Variants in LRRC71 observed in about 807,000 individuals in gnomAD.
The protein encoded by LRRC71 is leucine rich repeat containing 71, also known as leucine-rich repeat-containing protein 71.
Under a neutral mutation model 66.6 loss-of-function variants are expected in LRRC71, and 54 were observed. That is an observed-to-expected ratio of 0.81 (90% CI 0.65 to 1.02). The LOEUF (loss-of-function observed/expected upper bound fraction) is 1.02. LRRC71 is among the 50% of genes least tolerant of loss of function. The probability of loss-of-function intolerance (pLI) is 0.00; values close to 1 mark genes in which losing one functional copy is unlikely to be tolerated. For missense variants in LRRC71, 724 were observed against 718.0 expected (o/e 1.01, Z -0.10); for synonymous variants, 323 against 303.9 (o/e 1.06, Z -0.65).
intron 9 of LRRC71, among the ~76,000 whole-genome samples, chr1:156,928,555 T>C: frequency 7.1e-6 from 1 of 140,886 alleles, no homozygotes; most frequent in African/African-American, 2.7e-5. Flanking sequence ...TCTTCTTTCT[T>C]CTTCTTACTT....
chr1:156,934,237 G>A (rs1014643953), downstream of LRRC71, among the ~76,000 whole-genome samples: 1 of 152,174 alleles, frequency 6.6e-6, no homozygotes, highest in Non-Finnish European at 1.5e-5. Flanking sequence ...CCCTAATGAG[G>A]ACACAGCTGA....
chr1:156,920,971 G>A lies in LRRC71; in HGVS notation c.160+8G>A. ...AGGAGCCCAAAAGCCCTGGTACGCT[G>A]GCGCCGGGGTTTGGGGATCGGGCTT... On this transcript the variant is annotated splice_region_variant and intron_variant, in intron 1 of 14. Transcript: ENST00000337428. The surrounding 1 kb of genome is among the most constrained non-coding windows in gnomAD (Gnocchi z 4.9). 1 of 1,495,292 alleles carries A rather than the reference G, an allele frequency of 6.7e-7. No homozygotes were observed. Among genetic ancestry groups the A allele is most frequent in the African/African-American group, 1.4e-5 (1 of 70,398 alleles). The allele number at this position is 1,495,292 out of a possible 1,614,324, so 92.6% of individuals were successfully genotyped here.
downstream of LRRC71, chr1:156,937,558 G>C: frequency 6.8e-7 from 1 of 1,480,798 alleles, no homozygotes; most frequent in Non-Finnish European, 9.0e-7. Flanking sequence ...CTATCCTCCC[G>C]TTCCTGTGGG....
chr1:156,927,097 C>T, intron 5 of LRRC71, 105 bp from the exon 6 acceptor site: 1 of 961,486 alleles, frequency 1.0e-6, no homozygotes, highest in Non-Finnish European at 1.6e-6. Context: ...AATCCTTTGA[C>T]TCTACTTCCT....
chr1:156,941,047 C>G, the LRRC71 span, among the ~76,000 whole-genome samples: 1 of 152,190 alleles, frequency 6.6e-6, no homozygotes, highest in African/African-American at 2.4e-5. Flanking sequence ...TATCTCCCTC[C>G]CCAACAGTAA....
chr1:156,938,361 C>A, the LRRC71 span: 1 of 1,544,068 alleles, frequency 6.5e-7, no homozygotes, highest in South Asian at 1.2e-5. Context: ...ACTCTGCCCT[C>A]ACAGGTTCCA....
chr1:156,923,719 A>T (rs926929469), intron 1 of LRRC71, among the ~76,000 whole-genome samples: 9 of 152,180 alleles, frequency 5.9e-5, no homozygotes, highest in Non-Finnish European at 1.3e-4. Context: ...CACACAGAAG[A>T]GGGGACCCCG....
chr1:156,935,549 C>A, downstream of LRRC71: 1 of 160,126 alleles, frequency 6.2e-6, no homozygotes, highest in Non-Finnish European at 1.4e-5. Flanking sequence ...TTATAGGAAA[C>A]CAAAGTGACA....
At chr1:156,935,742 C>A, downstream of LRRC71, 1 of 486,238 alleles carries the variant, frequency 2.1e-6, no homozygotes, top group South Asian at 3.2e-5. Flanking sequence ...GGGGGCCTTT[C>A]GGATGCAGTC....
At chr1:156,931,092 CCT>C (rs1198962995) in intron 12 of LRRC71, among the ~76,000 whole-genome samples, 1 of 152,148 alleles carries the variant, frequency 6.6e-6, no homozygotes, top group Non-Finnish European at 1.5e-5. Flanking sequence ...TTCTTCAGAC[CCT>C]CTCTCTTTTG....
At chr1:156,937,297 C>T, downstream of LRRC71, 5 of 1,613,944 alleles carry the variant, frequency 3.1e-6, no homozygotes, top group Non-Finnish European at 4.2e-6. Context: ...TATGGAAGAT[C>T]ATGCCCACGT....
At chr1:156,927,173 T>C in intron 5 of LRRC71, 29 bp from the exon 6 acceptor site, 1 of 1,599,098 alleles carries the variant, frequency 6.3e-7, no homozygotes, top group Non-Finnish European at 8.5e-7. Flanking sequence ...AGTGGTACCT[T>C]CTGGTTCTCA....
Position 156,929,375 on chromosome 1 carries a change from G to T in LRRC71, c.1092G>T (p.Lys364Asn), listed in dbSNP as rs376124535. 73 of 1,613,712 alleles carry T rather than the reference G, an allele frequency of 4.5e-5. No individual in the cohort carries two copies. Among genetic ancestry groups the T allele is most frequent in the Non-Finnish European group, 6.0e-5 (71 of 1,179,826 alleles). ...GTGCATTGGTGGACAAGACAGACAA[G>T]ACGCAGACAATGAAAACCCCTAAGG... ...SNSALVDKTD[K>N]TQTMKTPKGL... is the part of the protein sequence containing the mutation. Residue 364 changes from lysine to asparagine, a missense_variant, in exon 10 of 15, where the codon AAG becomes AAT. Coordinates refer to ENST00000337428, the MANE Select transcript of LRRC71 (RefSeq NM_144702.3).
chr1:156,940,550 A>G, the LRRC71 span: 1 of 824,696 alleles, frequency 1.2e-6, no homozygotes, highest in Non-Finnish European at 1.8e-6. Flanking sequence ...TTTACTGAGA[A>G]CTTCCCATGG....
chr1:156,928,441 TTCCTCCTCC>T (rs1362768295), intron 9 of LRRC71, among the ~76,000 whole-genome samples: 6 of 64,766 alleles, frequency 9.3e-5, no homozygotes, highest in African/African-American at 3.9e-4. Context: ...CTTCTTCCTC[TTCCTCCTCC>T]TCTTCTTCTC....
At chr1:156,922,319 C>A (rs548551708) in intron 1 of LRRC71, among the ~76,000 whole-genome samples, 1 of 152,190 alleles carries the variant, frequency 6.6e-6, no homozygotes, top group South Asian at 2.1e-4. Context: ...GAGCAGCCAG[C>A]AGAGAGGTAG....
At position 156,924,630 on chromosome 1, in the gene LRRC71, TC is replaced by T; in HGVS notation, c.440-12del. On this transcript the variant is annotated splice_polypyrimidine_tract_variant and intron_variant, in intron 3 of 14. Transcript: ENST00000337428. Reference sequence around the variant, plus strand: ...TCCCAGGTCTGAGGCACCTGCCTCCTCTTGGCCCGCAGGTTGGAAGGTTGAG... The same window carrying T: ...TCCCAGGTCTGAGGCACCTGCCTCCTTTGGCCCGCAGGTTGGAAGGTTGAG... 6.7e-7 allele frequency: 1 copy of T among 1,501,448 alleles called. No individual in the cohort carries two copies. The highest frequency in any genetic ancestry group is 9.0e-7 in the Non-Finnish European group (1 of 1,115,814). 93.0% of individuals were successfully genotyped at this position (1,501,448 alleles called of 1,614,324 possible). A position where few individuals can be genotyped will look rare whatever the true frequency, so the allele number is the denominator to read the frequency against.
chr1:156,931,297 C>T (rs1654330990), intron 12 of LRRC71, among the ~76,000 whole-genome samples: 1 of 152,188 alleles, frequency 6.6e-6, no homozygotes, highest in South Asian at 2.1e-4. Flanking sequence ...AAGGGCCCCT[C>T]TCCTTTCAGG....
At chr1:156,937,135 C>G, downstream of LRRC71, 2 of 1,571,354 alleles carry the variant, frequency 1.3e-6, no homozygotes, top group Non-Finnish European at 1.7e-6. Flanking sequence ...GGGGAAGATC[C>G]CTGGGCCAGG....
Sources: allele counts gnomAD v4.1 joint callset (sites outside exome capture counted in the v4.1 genomes callset), GRCh38; gene constraint gnomAD v4.1.1; non-coding constraint Gnocchi (gnomAD v3.1); transcripts MANE v1.5; gene names NCBI Gene and HGNC (gene_info 2026-07-23, HGNC 2026-07-21).